SPANXN2: variants seen among roughly 807,000 people sequenced by gnomAD.
The protein encoded by SPANXN2 is sperm protein associated with the nucleus on the X chromosome N2.
SPANXN2 carries 1 observed loss-of-function variant against 2.0 expected under a neutral mutation model. The ratio of observed to expected loss-of-function variants is 0.50; its 90% CI spans 0.18 to 2.36. SPANXN2 has a LOEUF of 2.36. Ranked by LOEUF, SPANXN2 falls within the 30% of genes most tolerant of loss-of-function variation. The pLI, the probability that SPANXN2 is intolerant of heterozygous loss-of-function variation, is 0.26. For missense variants in SPANXN2, 88 were observed against 116.7 expected (o/e 0.75, Z 1.13); for synonymous variants, 43 against 49.8 (o/e 0.86, Z 0.58).
At chrX:143,715,549 G>A (rs180813286) in intron 1 of SPANXN2, among the ~76,000 whole-genome samples, 1 of 108,413 alleles carries the variant, frequency 9.2e-6, no homozygotes, top group African/African-American at 3.4e-5. Flanking sequence ...TAATTCTAAA[G>A]CTTGGAATGT....
chrX:143,713,221 G>C (rs781956074), intron 1 of SPANXN2, among the ~76,000 whole-genome samples: 1 of 111,727 alleles, frequency 9.0e-6, no homozygotes, highest in Non-Finnish European at 1.9e-5. Context: ...GCACAAACTA[G>C]ACCAGGGCCT....
chrX:143,716,904 C>A (rs1436637737), intron 1 of SPANXN2, among the ~76,000 whole-genome samples: 1 of 111,698 alleles, frequency 9.0e-6, no homozygotes, highest in Non-Finnish European at 1.9e-5. Context: ...ACATAAAATT[C>A]TCTACCCAGC....
At position 143,715,320 on chromosome X, in the gene SPANXN2, G is replaced by C. The variant is rs782553676; in HGVS notation, c.79-2821C>G. On this transcript the variant is annotated intron_variant, in intron 1 of 1. Transcript: ENST00000598475. ...ATAAAATCCCCTCTAGGCACAGACTGGTCCTTTATTATACAACCTATTCAG... is the reference window on the plus strand; with the variant it reads ...ATAAAATCCCCTCTAGGCACAGACTCGTCCTTTATTATACAACCTATTCAG... 2.1e-4 allele frequency among the ~76,000 whole-genome samples: 23 copies of C among 110,591 alleles called. 1 individual carries two copies. Among genetic ancestry groups the C allele is most frequent in the Admixed American group, 8.6e-4 (9 of 10,418 alleles).
At chrX:143,715,934 T>C (rs1252441559) in intron 1 of SPANXN2, among the ~76,000 whole-genome samples, 2 of 111,732 alleles carry the variant, frequency 1.8e-5, no homozygotes, top group African/African-American at 6.5e-5. Flanking sequence ...CCCTTAAATC[T>C]GGCTTACCAA....
exon 2 of SPANXN2, chrX:143,712,011 C>A: frequency 8.3e-7 from 1 of 1,212,042 alleles, no homozygotes; most frequent in Non-Finnish European, 1.1e-6. Flanking sequence ...GAGGATTTGT[C>A]CAATTTGGTT....
chrX:143,718,888 C>T (rs868946852), intron 1 of SPANXN2, among the ~76,000 whole-genome samples: 1 of 110,860 alleles, frequency 9.0e-6, no homozygotes, highest in African/African-American at 3.3e-5. Flanking sequence ...GTCCCCACCC[C>T]GAACGTCTAA....
intron 1 of SPANXN2, among the ~76,000 whole-genome samples, chrX:143,718,766 C>T (rs140703088): frequency 1.8e-3 from 198 of 111,302 alleles, no homozygotes; most frequent in African/African-American, 6.1e-3. Flanking sequence ...TAGTCCAGGC[C>T]AATTTGTCAC....
chrX:143,713,189 G>A (rs1467431164), intron 1 of SPANXN2, among the ~76,000 whole-genome samples: 1 of 111,215 alleles, frequency 9.0e-6, no homozygotes, highest in Non-Finnish European at 1.9e-5. Flanking sequence ...GTTTTCTCTT[G>A]CAACCTGGAA....
At chrX:143,712,064 C>T in exon 2 of SPANXN2, 1 of 1,212,464 alleles carries the variant, frequency 8.2e-7, no homozygotes, top group South Asian at 1.8e-5. Flanking sequence ...TGTGAAGATC[C>T]TTCAGATGAG....
At position 143,719,845 on chromosome X, in the gene SPANXN2, G is replaced by A. The variant is rs782142076; in HGVS notation, c.78+746C>T. Among the ~76,000 whole-genome samples the A allele has an allele frequency of 1.4e-4, 15 of 110,054 alleles. No individual in the cohort carries two copies. In the South Asian group the frequency reaches 5.2e-3, roughly 38 times the overall value. On this transcript the variant is annotated intron_variant, in intron 1 of 1. Coordinates refer to ENST00000598475, the Ensembl canonical transcript of SPANXN2. ...AGCAGGTGGTCCCTTTCTTAGGGCC[G>A]TTAATCTTCCTCCTCCTGATAGTAC...
At chrX:143,718,262 A>T (rs1231993998) in intron 1 of SPANXN2, among the ~76,000 whole-genome samples, 1 of 111,227 alleles carries the variant, frequency 9.0e-6, no homozygotes, top group African/African-American at 3.3e-5. Flanking sequence ...ATCCTCCAGA[A>T]TCTCCCTGTA....
At chrX:143,716,713 G>A (rs1932272928) in intron 1 of SPANXN2, among the ~76,000 whole-genome samples, 1 of 111,822 alleles carries the variant, frequency 8.9e-6, no homozygotes, top group Non-Finnish European at 1.9e-5. Context: ...AAAATCTTGG[G>A]TATGGCCACA....
intron 1 of SPANXN2, among the ~76,000 whole-genome samples, chrX:143,716,939 C>T (rs1191810522): frequency 7.2e-5 from 8 of 111,665 alleles, no homozygotes; most frequent in Admixed American, 1.9e-4. Context: ...TAAACACTTC[C>T]GACTCTAAGC....
At chrX:143,714,424 C>T (rs1556449129) in intron 1 of SPANXN2, among the ~76,000 whole-genome samples, 1 of 111,320 alleles carries the variant, frequency 9.0e-6, no homozygotes. Flanking sequence ...CCCTGGAGGA[C>T]AGGGAACACA....
At chrX:143,719,723 C>A (rs186359006) in intron 1 of SPANXN2, among the ~76,000 whole-genome samples, 1 of 111,034 alleles carries the variant, frequency 9.0e-6, no homozygotes, top group Non-Finnish European at 1.9e-5. Flanking sequence ...CCTTTAGTAG[C>A]TTCTGTCTCA....
At chrX:143,717,889 T>C (rs1316645816) in intron 1 of SPANXN2, among the ~76,000 whole-genome samples, 1 of 111,600 alleles carries the variant, frequency 9.0e-6, no homozygotes, top group Non-Finnish European at 1.9e-5. Flanking sequence ...AGATACATTC[T>C]CTGGATGAAT....
At chrX:143,713,563 CG>C (rs1932204627) in intron 1 of SPANXN2, among the ~76,000 whole-genome samples, 1 of 111,510 alleles carries the variant, frequency 9.0e-6, no homozygotes, top group African/African-American at 3.3e-5. Flanking sequence ...ACCTTCAAAA[CG>C]TTTGCCACTC....
chrX:143,715,412 T>C (rs1569482447), intron 1 of SPANXN2, among the ~76,000 whole-genome samples: 4 of 110,374 alleles, frequency 3.6e-5, no homozygotes, highest in African/African-American at 1.3e-4. Context: ...GGATGGGACA[T>C]ATTAAGTAAA....
At chrX:143,718,780 A>T (rs1471392345) in intron 1 of SPANXN2, among the ~76,000 whole-genome samples, 1 of 111,272 alleles carries the variant, frequency 9.0e-6, no homozygotes, top group Non-Finnish European at 1.9e-5. Context: ...TTGTCACACT[A>T]ATCAAGGAGA....
Sources: gnomAD v4.1 joint callset for allele counts (sites outside exome capture counted in the v4.1 genomes callset) on GRCh38, gnomAD v4.1.1 for gene constraint, MANE v1.5 for transcripts, NCBI Gene and HGNC (gene_info 2026-07-23, HGNC 2026-07-21) for gene names.